Variants in ENOX2 observed in about 807,000 individuals in gnomAD.
ENOX2 encodes the protein ecto-NOX disulfide-thiol exchanger 2.
Under a neutral mutation model 45.0 loss-of-function variants are expected in ENOX2, and 36 were observed. The ratio of observed to expected loss-of-function variants is 0.80; its 90% CI spans 0.61 to 1.06. ENOX2 has a LOEUF of 1.06. Among genes scored for constraint, ENOX2 ranks in the 50% least tolerant of loss-of-function variants. The probability of loss-of-function intolerance (pLI) is 0.00; values close to 1 mark genes in which losing one functional copy is unlikely to be tolerated. For missense variants in ENOX2, 423 were observed against 462.5 expected, an observed-to-expected ratio of 0.91 and a Z score of 0.78; for synonymous variants, 174 against 152.3, an observed-to-expected ratio of 1.14 and a Z score of -1.05.
At chrX:130,656,442 C>T (rs2036548686) in intron 10 of ENOX2, 139 bp downstream of exon 10, 5 of 449,734 alleles carry the variant, frequency 1.1e-5, no homozygotes, top group Non-Finnish European at 1.2e-5. Flanking sequence ...AGTATGTACA[C>T]ATATGGCCTT....
intron 4 of ENOX2, among the ~76,000 whole-genome samples, chrX:130,700,905 T>A (rs1412654508): frequency 9.0e-6 from 1 of 111,390 alleles, no homozygotes; most frequent in African/African-American, 3.3e-5. Flanking sequence ...AGGCTTGTGT[T>A]GTTAAGCACT....
At chrX:130,750,709 G>A (rs1207125961) in intron 3 of ENOX2, among the ~76,000 whole-genome samples, 1 of 110,628 alleles carries the variant, frequency 9.0e-6, no homozygotes, top group Non-Finnish European at 1.9e-5. Context: ...CTGTCTCACA[G>A]CCTACGTTTT....
At chrX:130,874,845 A>G (rs989951005) in intron 2 of ENOX2, among the ~76,000 whole-genome samples, 19 of 110,565 alleles carry the variant, frequency 1.7e-4, no homozygotes, top group African/African-American at 6.3e-4. Context: ...ACACCAACAC[A>G]TGCATGCCCC....
intron 2 of ENOX2, among the ~76,000 whole-genome samples, chrX:130,867,907 G>T (rs2078515485): frequency 8.9e-6 from 1 of 111,909 alleles, no homozygotes; most frequent in South Asian, 3.7e-4. Context: ...AGGATGCAAG[G>T]TTTATTGAAG....
At chrX:130,827,871 T>C (rs888813681) in intron 2 of ENOX2, among the ~76,000 whole-genome samples, 16 of 111,945 alleles carry the variant, frequency 1.4e-4, no homozygotes, top group African/African-American at 5.2e-4. Flanking sequence ...CAAATACTGG[T>C]ATACATAAAT....
chrX:130,645,351 T>G (rs1405768925), intron 10 of ENOX2, among the ~76,000 whole-genome samples: 1 of 111,804 alleles, frequency 8.9e-6, no homozygotes, highest in Non-Finnish European at 1.9e-5. Flanking sequence ...TTATTTTTAA[T>G]GAGAACCAAA....
chrX:130,651,902 C>T (rs2036411298), intron 10 of ENOX2, among the ~76,000 whole-genome samples: 1 of 111,518 alleles, frequency 9.0e-6, no homozygotes, highest in South Asian at 3.8e-4. Context: ...TTCAAAGATT[C>T]CACTTCCATA....
At chrX:130,656,217 T>C (rs2036543015) in intron 10 of ENOX2, among the ~76,000 whole-genome samples, 1 of 112,715 alleles carries the variant, frequency 8.9e-6, no homozygotes. Flanking sequence ...GAGGGTATTA[T>C]CTGTTGTTCA....
intron 2 of ENOX2, among the ~76,000 whole-genome samples, chrX:130,881,800 G>A (rs897342609): frequency 3.6e-5 from 4 of 111,463 alleles, no homozygotes; most frequent in Non-Finnish European, 5.6e-5. Flanking sequence ...AAAAACTTTT[G>A]AACAGAATAT....
intron 3 of ENOX2, among the ~76,000 whole-genome samples, chrX:130,746,825 T>C (rs1380763252): frequency 8.9e-6 from 1 of 112,265 alleles, no homozygotes; most frequent in Non-Finnish European, 1.9e-5. Flanking sequence ...TGTGTCTGTG[T>C]GTCTGTCTGG....
chrX:130,697,769 G>GA (rs1298408834), intron 4 of ENOX2, among the ~76,000 whole-genome samples: 1 of 111,901 alleles, frequency 8.9e-6, no homozygotes, highest in Non-Finnish European at 1.9e-5. Context: ...TTTCCATGGG[G>GA]AGTCTTTTCC....
intron 13 of ENOX2, among the ~76,000 whole-genome samples, chrX:130,631,212 C>G (rs1026387144): frequency 9.0e-6 from 1 of 111,416 alleles, no homozygotes; most frequent in African/African-American, 3.3e-5. Flanking sequence ...GCTGACCCCT[C>G]TTAGCTTAGT....
intron 2 of ENOX2, among the ~76,000 whole-genome samples, chrX:130,792,927 T>G (rs1325512343): frequency 8.9e-6 from 1 of 112,937 alleles, no homozygotes; most frequent in Non-Finnish European, 1.9e-5. Context: ...GGACAGCATA[T>G]TTATATAACA....
intron 2 of ENOX2, among the ~76,000 whole-genome samples, chrX:130,855,121 A>G (rs1360854087): frequency 9.0e-6 from 1 of 111,458 alleles, no homozygotes; most frequent in African/African-American, 3.3e-5. Flanking sequence ...AATAAAGTTC[A>G]CTCTATTTGC....
intron 2 of ENOX2, among the ~76,000 whole-genome samples, chrX:130,820,460 G>T (rs1399873572): frequency 8.9e-6 from 1 of 111,938 alleles, no homozygotes; most frequent in African/African-American, 3.2e-5. Flanking sequence ...CCACTTTTAG[G>T]TGTCCATCCA....
chrX:130,876,746 C>T (rs1187851028), intron 2 of ENOX2, among the ~76,000 whole-genome samples: 2 of 111,638 alleles, frequency 1.8e-5, no homozygotes, highest in Non-Finnish European at 3.8e-5. Context: ...GGTCACCACA[C>T]TACATAACTC....
At position 130,623,873 on chromosome X, in the gene ENOX2, G is replaced by A. The variant is rs1040629868; in HGVS notation, c.*1441C>T. On this transcript the variant is annotated 3_prime_UTR_variant, in exon 15 of 15. Coordinates refer to ENST00000394363, the MANE Select transcript of ENOX2 (RefSeq NM_006375.4). ...TAACTACTAATGGATTACTTAGAGC[G>A]TAAGTCATTAAAAACAGGACACAAA... The A allele has an allele frequency of 2.9e-4, 33 of 111,866 alleles. No homozygotes were observed. Among genetic ancestry groups the A allele is most frequent in the African/African-American group, 6.5e-4 (20 of 30,780 alleles). The allele number at this position is 111,866 out of a possible 1,213,427, so 9.2% of individuals were successfully genotyped here.
chrX:130,682,024 C>A (rs949401420), intron 5 of ENOX2, among the ~76,000 whole-genome samples: 125 of 107,714 alleles, frequency 1.2e-3, no homozygotes, highest in African/African-American at 3.8e-3. Context: ...AACCCCCCCC[C>A]CCACCGACTA....
chrX:130,785,733 A>G (rs1364061344), intron 2 of ENOX2, among the ~76,000 whole-genome samples: 2 of 112,602 alleles, frequency 1.8e-5, no homozygotes, highest in African/African-American at 6.5e-5. Context: ...CCCAGAGTCA[A>G]ATATGATTAA....
Sources: gnomAD v4.1 joint callset for allele counts (sites outside exome capture counted in the v4.1 genomes callset) on GRCh38, gnomAD v4.1.1 for gene constraint, MANE v1.5 for transcripts, NCBI Gene and HGNC (gene_info 2026-07-23, HGNC 2026-07-21) for gene names.